Variants in CYP2R1 observed in about 807,000 individuals in gnomAD.
The protein encoded by CYP2R1 is vitamin D 25-hydroxylase.
In CYP2R1, 40 loss-of-function variants were observed where a neutral mutation model predicts 45.7. The observed-to-expected ratio is 0.87, with a 90% CI of 0.68 to 1.14. CYP2R1 has a LOEUF of 1.14. Ranked by LOEUF, CYP2R1 falls within the 50% of genes most tolerant of loss-of-function variation. CYP2R1 has a pLI of 0.00. For synonymous variants in CYP2R1, 234 were observed against 219.3 expected (o/e 1.07, Z -0.59); for missense variants, 605 against 602.6 (o/e 1.00, Z -0.04).
chr11:14,885,239 G>A (rs368953983), intron 2 of CYP2R1, among the ~76,000 whole-genome samples: 7 of 151,986 alleles, frequency 4.6e-5, no homozygotes, highest in South Asian at 2.1e-4. Context: ...TCTTCTTACC[G>A]ATTTTGTCAA....
At chr11:14,885,515 T>G (rs1182463761) in intron 2 of CYP2R1, among the ~76,000 whole-genome samples, 2 of 152,302 alleles carry the variant, frequency 1.3e-5, no homozygotes. Flanking sequence ...TCACAAAACC[T>G]GCAGATGTTA....
chr11:14,882,775 G>A (rs1848441334), intron 2 of CYP2R1, among the ~76,000 whole-genome samples: 2 of 152,096 alleles, frequency 1.3e-5, no homozygotes, highest in East Asian at 1.9e-4. Context: ...ATTGTATAAC[G>A]AGAAAACCCC....
intron 1 of CYP2R1, 129 bp from the exon 2 acceptor site, chr11:14,886,046 T>C (rs1848608987): frequency 1.2e-6 from 1 of 860,010 alleles, no homozygotes; most frequent in South Asian, 1.4e-5. Flanking sequence ...AGGCAGTTAT[T>C]ACTCAACTGA....
intron 2 of CYP2R1, among the ~76,000 whole-genome samples, chr11:14,883,992 C>T (rs1308168185): frequency 7.2e-5 from 11 of 152,166 alleles, no homozygotes; most frequent in African/African-American, 2.4e-4. Flanking sequence ...TACCATCTCA[C>T]ACCAGTTAGA....
Position 14,879,949 on chromosome 11 carries a change from A to T in CYP2R1, c.1000+187T>A, listed in dbSNP as rs12796659. ...ATGGGCATAATAAGACCTCTTTCAGAGATTTTTTTTACATGAATTGAGATA... is the reference window on the plus strand; with the variant it reads ...ATGGGCATAATAAGACCTCTTTCAGTGATTTTTTTTACATGAATTGAGATA... On this transcript the variant is annotated intron_variant, in intron 3 of 4. Coordinates refer to ENST00000334636, the MANE Select transcript of CYP2R1 (RefSeq NM_024514.5). Among the ~76,000 whole-genome samples the T allele has an allele frequency of 6.8e-3, 1,029 of 152,228 alleles. 3 individuals carry two copies. Among genetic ancestry groups the T allele is most frequent in the Non-Finnish European group, 0.012 (793 of 67,978 alleles).
At position 14,885,918 on chromosome 11, in the gene CYP2R1, C is replaced by A. The variant is rs192940523; in HGVS notation, c.226-1G>T. On this transcript the variant is annotated splice_acceptor_variant, in intron 1 of 4. Transcript: ENST00000334636. LOFTEE classifies it high-confidence loss of function. ...TGCCTCCAAGATCTAAACTGAAGAT[C>A]TTTGAGAAGAGAAGAAAAACAACAT... The A allele has an allele frequency of 6.2e-7, 1 of 1,613,040 alleles. No individual in the cohort carries two copies. The highest frequency in any genetic ancestry group is 2.2e-5 in the East Asian group (1 of 44,836).
In CYP2R1 at chr11:14,879,186, A is replaced by G; in HGVS notation, c.1258T>C (p.Phe420Leu). 6.2e-7 allele frequency: 1 copy of G among 1,613,290 alleles called. No individual in the cohort carries two copies. The highest frequency in any genetic ancestry group is 8.5e-7 in the Non-Finnish European group (1 of 1,179,514). ...CTGTCCAGAAATCGCTCAGGATGGA[A>G]CACTTCTGGGTCTCTCCAGTACTTT... Reference protein sequence around the residue: ...DEKYWRDPEVFHPERFLDSSG... With the variant: ...DEKYWRDPEVLHPERFLDSSG... The change falls in exon 4 of 5, where the codon TTC becomes CTC. Residue 420 changes from phenylalanine (F) to leucine (L), a missense_variant. By Grantham distance (22) the Phe-to-Leu change is conservative. Coordinates refer to ENST00000334636, the MANE Select transcript of CYP2R1 (RefSeq NM_024514.5).
chr11:14,891,837 G>C, intron 1 of CYP2R1, 144 bp downstream of exon 1: 1 of 1,416,974 alleles, frequency 7.1e-7, no homozygotes, highest in Non-Finnish European at 9.3e-7. Context: ...GACCCGGGAA[G>C]CGGGTGTCCC....
intron 2 of CYP2R1, among the ~76,000 whole-genome samples, chr11:14,885,363 G>A (rs1335112264): frequency 1.3e-5 from 2 of 152,098 alleles, no homozygotes; most frequent in African/African-American, 4.8e-5. Context: ...ACTAATCACA[G>A]TGATTAGTAG....
At chr11:14,890,791 G>T (rs1021229821) in intron 1 of CYP2R1, 12 of 835,224 alleles carry the variant, frequency 1.4e-5, no homozygotes, top group Non-Finnish European at 1.6e-5. Context: ...TTCGTGATCC[G>T]CCCGCCTCGG....
intron 1 of CYP2R1, 101 bp from the exon 2 acceptor site, chr11:14,886,018 T>A (rs1848607461): frequency 2.6e-6 from 3 of 1,172,364 alleles, no homozygotes; most frequent in African/African-American, 3.0e-5. Flanking sequence ...CCAGGATTTG[T>A]TACGTCCCTG....
At chr11:14,881,314 A>G (rs1848377163) in intron 2 of CYP2R1, among the ~76,000 whole-genome samples, 1 of 152,090 alleles carries the variant, frequency 6.6e-6, no homozygotes, top group African/African-American at 2.4e-5. Flanking sequence ...GCTGAAGTCA[A>G]AAAAAGGGCA....
intron 2 of CYP2R1, among the ~76,000 whole-genome samples, chr11:14,882,624 G>A (rs1460593267): frequency 6.6e-6 from 1 of 152,096 alleles, no homozygotes; most frequent in African/African-American, 2.4e-5. Context: ...TACTTCCAAG[G>A]TCAGTACATA....
chr11:14,889,745 A>C (rs1848757613), intron 1 of CYP2R1, among the ~76,000 whole-genome samples: 1 of 152,200 alleles, frequency 6.6e-6, no homozygotes, highest in African/African-American at 2.4e-5. Flanking sequence ...GAAAAGCTTA[A>C]TTCCTTTTTC....
chr11:14,891,428 T>C (rs1848851404), intron 1 of CYP2R1: 3 of 985,712 alleles, frequency 3.0e-6, no homozygotes, highest in Non-Finnish European at 2.4e-6. Flanking sequence ...TTCACAATCG[T>C]TTCCCAGGGC....
chr11:14,877,958 G>T lies in CYP2R1; in HGVS notation c.*164C>A. The T allele has an allele frequency of 3.0e-6, 2 of 672,772 alleles. No homozygotes were observed. Among genetic ancestry groups the T allele is most frequent in the South Asian group, 2.2e-5 (1 of 45,020 alleles). 41.7% of individuals were successfully genotyped at this position (672,772 alleles called of 1,614,324 possible). ...TCATAAAATCTTGAAAAACAATCAC[G>T]ACTAGTGCTTGTTTCTGCTCTAGTA... On this transcript the variant is annotated 3_prime_UTR_variant, in exon 5 of 5. Coordinates refer to ENST00000334636, the MANE Select transcript of CYP2R1 (RefSeq NM_024514.5).
At chr11:14,882,546 A>G (rs1848431281) in intron 2 of CYP2R1, among the ~76,000 whole-genome samples, 1 of 152,164 alleles carries the variant, frequency 6.6e-6, no homozygotes, top group Non-Finnish European at 1.5e-5. Context: ...CCTGGGCATG[A>G]CACTGGGCTC....
chr11:14,885,875 T>A lies in CYP2R1; in HGVS notation c.268A>T (p.Asn90Tyr). 6.2e-7 allele frequency: 1 copy of A among 1,613,646 alleles called. No individual in the cohort carries two copies. Among genetic ancestry groups the A allele is most frequent in the Admixed American group, 1.7e-5 (1 of 59,984 alleles). ...DLGGISTVVL[N>Y]GYDVVKECLV... ...CATTCCTTTACTACATCATAGCCAT[T>A]TAGAACCACAGTTGATATGCCTCCA... The change falls in exon 2 of 5, where the codon AAT (asparagine) becomes TAT (tyrosine). Residue 90 changes from asparagine to tyrosine, a missense_variant. Physicochemically the swap from Asn to Tyr is moderately radical, Grantham distance 143. Transcript: ENST00000334636.
In CYP2R1 at chr11:14,892,128, C is replaced by T; in HGVS notation, c.78G>A (p.Gly26=). ...GALFLLLFAL[G]VRQLLKQRRP... ...GCCTCTGCTTCAGCAGCTGGCGGACCCCTAGCGCGAAGAGCAGCAGGAAGA... is the reference window on the plus strand; with the variant it reads ...GCCTCTGCTTCAGCAGCTGGCGGACTCCTAGCGCGAAGAGCAGCAGGAAGA... Residue 26 remains glycine (G), a synonymous_variant, in exon 1 of 5, where the codon GGG becomes GGA. Transcript: ENST00000334636. The T allele has an allele frequency of 6.2e-7, 1 of 1,611,586 alleles. No homozygotes were observed. The highest frequency in any genetic ancestry group is 8.5e-7 in the Non-Finnish European group (1 of 1,179,710).
Sources: gnomAD v4.1 joint callset for allele counts (sites outside exome capture counted in the v4.1 genomes callset) on GRCh38, gnomAD v4.1.1 for gene constraint, MANE v1.5 for transcripts, NCBI Gene and HGNC (gene_info 2026-07-23, HGNC 2026-07-21) for gene names.